Variants in ZFHX3 observed in about 807,000 individuals in gnomAD.
The protein encoded by ZFHX3 is zinc finger homeobox 3.
In ZFHX3, 42 loss-of-function variants were observed where a neutral mutation model predicts 279.1. The observed-to-expected ratio is 0.15, with a 90% CI of 0.12 to 0.19. The LOEUF is 0.19. Ranked by LOEUF, ZFHX3 falls within the 10% of genes least tolerant of loss-of-function variation. ZFHX3 has a pLI of 1.00. For synonymous variants in ZFHX3, 2,293 were observed against 1,957.8 expected (o/e 1.17, Z -4.52); for missense variants, 4,981 against 4,754.0 (o/e 1.05, Z -1.40).
At chr16:73,866,642 C>T (rs561707091) in intron 1 of ZFHX3, among the ~76,000 whole-genome samples, 24 of 152,236 alleles carry the variant, frequency 1.6e-4, no homozygotes, top group African/African-American at 4.6e-4. Flanking sequence ...TTTATCTGTC[C>T]GGAATAGATT....
intron 1 of ZFHX3, among the ~76,000 whole-genome samples, chr16:73,835,483 T>TC (rs1961119655): frequency 1.4e-5 from 2 of 141,850 alleles, no homozygotes; most frequent in Admixed American, 7.1e-5. Flanking sequence ...TTTTTTTTTT[T>TC]TTTTGAGATG....
At chr16:73,368,033 G>A (rs1243057570) in intron 3 of ZFHX3, among the ~76,000 whole-genome samples, 1 of 152,008 alleles carries the variant, frequency 6.6e-6, no homozygotes, top group African/African-American at 2.4e-5. Context: ...ACCACATCTG[G>A]CTAATTTTTT....
intron 2 of ZFHX3, among the ~76,000 whole-genome samples, chr16:73,457,500 C>T (rs968047392): frequency 1.3e-5 from 2 of 152,202 alleles, no homozygotes; most frequent in Non-Finnish European, 2.9e-5. Context: ...CGGCCGGGCA[C>T]GCTGGCTCAC....
chr16:73,749,835 C>A (rs1051217442), intron 1 of ZFHX3, among the ~76,000 whole-genome samples: 3 of 152,168 alleles, frequency 2.0e-5, no homozygotes, highest in African/African-American at 7.2e-5. Flanking sequence ...GAAGGGCAGC[C>A]TTGGATGGCC....
At chr16:73,500,339 G>A (rs1597359743) in intron 2 of ZFHX3, 1 of 153,122 alleles carries the variant, frequency 6.5e-6, no homozygotes, top group Non-Finnish European at 1.4e-5. Flanking sequence ...TTGTTTGTTT[G>A]TTTTTTGAGA....
In ZFHX3 at chr16:73,173,828, T is replaced by C. The variant is rs541044799; in HGVS notation, c.-1103-29997A>G. Among the ~76,000 whole-genome samples, 10 of 152,292 alleles carry C rather than the reference T, an allele frequency of 6.6e-5. No homozygotes were observed. In the South Asian group the frequency reaches 1.5e-3, roughly 22 times the overall value. On this transcript the variant is annotated intron_variant, in intron 5 of 17. Coordinates refer to the ZFHX3 transcript ENST00000641206. Reference sequence around the variant, plus strand: ...TATAGAAGTGGGGGCGCAGGGCAGTTGCAAGCCTGTATGGCAGAAAGGGGA... The same window carrying C: ...TATAGAAGTGGGGGCGCAGGGCAGTCGCAAGCCTGTATGGCAGAAAGGGGA...
chr16:73,629,698 T>C (rs1163502666), intron 2 of ZFHX3, among the ~76,000 whole-genome samples: 1 of 152,112 alleles, frequency 6.6e-6, no homozygotes, highest in African/African-American at 2.4e-5. Context: ...CCCTATAGCA[T>C]GTCCATCACC....
chr16:73,195,615 C>A (rs111874349), intron 5 of ZFHX3, among the ~76,000 whole-genome samples: 5,096 of 152,098 alleles, frequency 0.034, 304 homozygotes, highest in African/African-American at 0.12. Context: ...GACGGGGTTT[C>A]ACCATATTGG....
chr16:73,152,105 C>T (rs990245374), intron 5 of ZFHX3, among the ~76,000 whole-genome samples: 1 of 152,096 alleles, frequency 6.6e-6, no homozygotes, highest in East Asian at 1.9e-4. Context: ...TCCCAGGCAC[C>T]AAATAACTGC....
At chr16:73,409,384 C>T (rs2143455612) in intron 3 of ZFHX3, among the ~76,000 whole-genome samples, 1 of 152,248 alleles carries the variant, frequency 6.6e-6, no homozygotes, top group Non-Finnish European at 1.5e-5. Flanking sequence ...AATCTTGACT[C>T]CTGGAACATG....
chr16:73,769,567 T>C (rs1309575780), intron 1 of ZFHX3, among the ~76,000 whole-genome samples: 1 of 152,164 alleles, frequency 6.6e-6, no homozygotes, highest in African/African-American at 2.4e-5. Flanking sequence ...AGTTATTTGG[T>C]TTTCTACAAA....
intron 1 of ZFHX3, chr16:73,015,309 A>G (rs1372427155): frequency 6.6e-6 from 1 of 152,020 alleles, no homozygotes; most frequent in Non-Finnish European, 1.5e-5. Flanking sequence ...AGCCTCCATA[A>G]GTGCTGGGAT....
At chr16:73,026,146 A>C (rs1463354519) in intron 1 of ZFHX3, among the ~76,000 whole-genome samples, 1 of 135,726 alleles carries the variant, frequency 7.4e-6, no homozygotes, top group Non-Finnish European at 1.5e-5. Context: ...CAGGAGTTCG[A>C]GAATAGCCTG....
At chr16:73,735,259 C>T (rs2053599654) in intron 1 of ZFHX3, among the ~76,000 whole-genome samples, 1 of 151,810 alleles carries the variant, frequency 6.6e-6, no homozygotes, top group Admixed American at 6.6e-5. Context: ...GAGTCAGAGA[C>T]CTGAGTCATA....
intron 3 of ZFHX3, among the ~76,000 whole-genome samples, chr16:73,388,013 C>T (rs148835473): frequency 6.5e-4 from 99 of 152,116 alleles, no homozygotes; most frequent in African/African-American, 2.2e-3. Context: ...ATGCAGGGCA[C>T]GCTCATTGTG....
intron 5 of ZFHX3, among the ~76,000 whole-genome samples, chr16:73,178,480 A>G (rs1000941847): frequency 6.6e-5 from 10 of 152,124 alleles, no homozygotes; most frequent in African/African-American, 2.4e-4. Context: ...CCCCTACCCC[A>G]AAGACTCCTT....
At chr16:73,691,278 G>A (rs1045589848) in intron 1 of ZFHX3, among the ~76,000 whole-genome samples, 29 of 152,038 alleles carry the variant, frequency 1.9e-4, no homozygotes, top group Non-Finnish European at 2.5e-4. Flanking sequence ...TCCAGAAGCC[G>A]CACACTCTTC....
intron 3 of ZFHX3, among the ~76,000 whole-genome samples, chr16:73,337,898 G>GT (rs2015947664): frequency 7.0e-6 from 1 of 142,688 alleles, no homozygotes; most frequent in South Asian, 2.4e-4. Flanking sequence ...TTGGCGGGGG[G>GT]GGGGGTCCTC....
chr16:73,058,185 C>CGCCGGCG (rs1237403208), intron 1 of ZFHX3, among the ~76,000 whole-genome samples: 8 of 144,264 alleles, frequency 5.5e-5, no homozygotes, highest in Non-Finnish European at 9.2e-5. Flanking sequence ...TCCCGGGGGT[C>CGCCGGCG]GCCGGCGGCC....
Sources: gnomAD v4.1 joint callset for allele counts (sites outside exome capture counted in the v4.1 genomes callset) on GRCh38, gnomAD v4.1.1 for gene constraint, MANE v1.5 for transcripts, NCBI Gene and HGNC (gene_info 2026-07-23, HGNC 2026-07-21) for gene names.